Variants in LINGO2 observed in about 807,000 individuals in gnomAD.
LINGO2 encodes the protein leucine-rich repeat and immunoglobulin-like domain-containing nogo receptor-interacting protein 2.
A neutral mutation model predicts 30.6 loss-of-function variants in LINGO2; 14 were observed. The observed-to-expected ratio is 0.46, with a 90% CI of 0.30 to 0.72. The LOEUF (loss-of-function observed/expected upper bound fraction) is 0.72. Among genes scored for constraint, LINGO2 ranks in the 30% least tolerant of loss-of-function variants. LINGO2 has a pLI of 0.07. For synonymous variants in LINGO2, 317 were observed against 288.5 expected (o/e 1.10, Z -1.00); for missense variants, 729 against 751.7 (o/e 0.97, Z 0.35).
the LINGO2 span, among the ~76,000 whole-genome samples, chr9:28,811,748 C>T: frequency 6.6e-6 from 1 of 152,130 alleles, no homozygotes; most frequent in African/African-American, 2.4e-5. Flanking sequence ...ACCATATACT[C>T]TACTTCCTTC....
intron 5 of LINGO2, among the ~76,000 whole-genome samples, chr9:27,961,353 G>C (rs547140767): frequency 6.6e-6 from 1 of 152,250 alleles, no homozygotes; most frequent in African/African-American, 2.4e-5. Flanking sequence ...TAAAATATAG[G>C]AGCTCTGCAA....
the LINGO2 span, among the ~76,000 whole-genome samples, chr9:28,814,851 T>G: frequency 3.9e-5 from 6 of 152,140 alleles, no homozygotes; most frequent in Admixed American, 6.5e-5. Context: ...AATTAGTGGT[T>G]GTAGAAACTC....
At chr9:28,825,511 C>T in the LINGO2 span, among the ~76,000 whole-genome samples, 2 of 151,624 alleles carry the variant, frequency 1.3e-5, no homozygotes, top group African/African-American at 4.8e-5. Flanking sequence ...ATCTGCTTAC[C>T]CAAAGGTTGC....
At chr9:27,989,529 G>A (rs1821292350) in intron 5 of LINGO2, among the ~76,000 whole-genome samples, 1 of 151,798 alleles carries the variant, frequency 6.6e-6, no homozygotes, top group Non-Finnish European at 1.5e-5. Flanking sequence ...ACTATATCAT[G>A]AGTGGAAAGT....
At chr9:29,130,392 G>A in the LINGO2 span, among the ~76,000 whole-genome samples, 4 of 152,202 alleles carry the variant, frequency 2.6e-5, no homozygotes, top group Middle Eastern at 6.8e-3. Context: ...GAGGTTCTCA[G>A]AATCAAATAC....
chr9:28,635,463 G>A (rs1337003800), intron 1 of LINGO2, among the ~76,000 whole-genome samples: 1 of 152,130 alleles, frequency 6.6e-6, no homozygotes, highest in Non-Finnish European at 1.5e-5. Flanking sequence ...GCATGGAAAA[G>A]TGTAGAGAGT....
intron 2 of LINGO2, among the ~76,000 whole-genome samples, chr9:28,414,690 A>G (rs1209030199): frequency 1.3e-5 from 2 of 152,114 alleles, no homozygotes; most frequent in Admixed American, 6.6e-5. Flanking sequence ...AAGGGTATTA[A>G]TGAGCCATTT....
chr9:28,117,445 C>G (rs58167005), intron 4 of LINGO2, among the ~76,000 whole-genome samples: 4,173 of 104,914 alleles, frequency 0.04, 113 homozygotes, highest in Admixed American at 0.071. Flanking sequence ...CCACCCAGTT[C>G]GAGCTTCCCG....
At chr9:29,081,577 G>T in the LINGO2 span, among the ~76,000 whole-genome samples, 13 of 152,210 alleles carry the variant, frequency 8.5e-5, no homozygotes, top group Non-Finnish European at 1.6e-4. Flanking sequence ...GGAAGTTCTG[G>T]CTAGGGGAAT....
At chr9:28,403,697 C>G (rs150627073) in intron 2 of LINGO2, among the ~76,000 whole-genome samples, 1 of 150,906 alleles carries the variant, frequency 6.6e-6, no homozygotes, top group Non-Finnish European at 1.5e-5. Flanking sequence ...TTTTCCTGGA[C>G]GCCCAGAATA....
At chr9:29,027,863 G>C in the LINGO2 span, among the ~76,000 whole-genome samples, 36 of 152,192 alleles carry the variant, frequency 2.4e-4, no homozygotes, top group Admixed American at 2.0e-3. Context: ...CTAAATCATG[G>C]TAATTATTGG....
At chr9:29,093,052 T>C in the LINGO2 span, among the ~76,000 whole-genome samples, 1 of 126,106 alleles carries the variant, frequency 7.9e-6, no homozygotes, top group Non-Finnish European at 1.7e-5. Context: ...TATATATATA[T>C]ATATGGAGAG....
chr9:28,518,506 C>T (rs201960482), intron 1 of LINGO2, among the ~76,000 whole-genome samples: 2 of 152,072 alleles, frequency 1.3e-5, no homozygotes, highest in African/African-American at 2.4e-5. Context: ...AGGACACTCT[C>T]GACTTACCTT....
the LINGO2 span, among the ~76,000 whole-genome samples, chr9:28,956,493 C>A: frequency 2.2e-3 from 334 of 152,100 alleles, 2 homozygotes; most frequent in African/African-American, 7.4e-3. Context: ...CTGGTATTTC[C>A]CAGACTATTC....
At chr9:28,191,234 C>G (rs565313891) in intron 4 of LINGO2, among the ~76,000 whole-genome samples, 9 of 152,190 alleles carry the variant, frequency 5.9e-5, no homozygotes, top group African/African-American at 2.2e-4. Context: ...AAAATAACTT[C>G]GCTTCACAGC....
At chr9:28,710,543 A>T in the LINGO2 span, among the ~76,000 whole-genome samples, 103 of 152,126 alleles carry the variant, frequency 6.8e-4, no homozygotes, top group African/African-American at 2.1e-3. Flanking sequence ...TGTAAAATAG[A>T]CCCTCATCAG....
chr9:28,283,549 A>T (rs1295025639), intron 4 of LINGO2, among the ~76,000 whole-genome samples: 1 of 152,192 alleles, frequency 6.6e-6, no homozygotes, highest in East Asian at 1.9e-4. Context: ...TAGGGATTGG[A>T]TTATTAATTT....
chr9:29,194,091 G>A, the LINGO2 span, among the ~76,000 whole-genome samples: 14 of 152,258 alleles, frequency 9.2e-5, no homozygotes, highest in East Asian at 2.7e-3. Context: ...TTCCTTCTCT[G>A]TAAAATGGGT....
chr9:28,906,619 C>T, the LINGO2 span, among the ~76,000 whole-genome samples: 16 of 151,714 alleles, frequency 1.1e-4, no homozygotes, highest in African/African-American at 3.1e-4. Flanking sequence ...AATCCATCTA[C>T]AAAAGTCACC....
Sources: gnomAD v4.1 joint callset for allele counts (sites outside exome capture counted in the v4.1 genomes callset) on GRCh38, gnomAD v4.1.1 for gene constraint, MANE v1.5 for transcripts, NCBI Gene and HGNC (gene_info 2026-07-23, HGNC 2026-07-21) for gene names.